Variants in ADAMTS6 observed in about 807,000 individuals in gnomAD.
The protein encoded by ADAMTS6 is ADAM metallopeptidase with thrombospondin type 1 motif 6, also known as A disintegrin and metalloproteinase with thrombospondin motifs 6.
A neutral mutation model predicts 144.3 loss-of-function variants in ADAMTS6; 23 were observed. That is an observed-to-expected ratio of 0.16 (90% CI 0.11 to 0.23). The LOEUF (loss-of-function observed/expected upper bound fraction) is 0.23, where lower values mean the gene tolerates loss of function less well. ADAMTS6 is among the 10% of genes least tolerant of loss of function. The pLI is 1.00. For missense variants in ADAMTS6, 999 were observed against 1,379.6 expected (o/e 0.72, Z 4.37); for synonymous variants, 444 against 457.5 (o/e 0.97, Z 0.38).
intron 7 of ADAMTS6, 139 bp from the exon 8 acceptor site, chr5:65,334,224 T>G (rs1747085521): frequency 1.0e-6 from 1 of 959,396 alleles, no homozygotes; most frequent in Non-Finnish European, 1.5e-6. Flanking sequence ...GTCGGCATTT[T>G]CAGCACTCTA....
chr5:65,413,114 T>G (rs761813080), intron 7 of ADAMTS6, among the ~76,000 whole-genome samples: 1 of 152,170 alleles, frequency 6.6e-6, no homozygotes, highest in Non-Finnish European at 1.5e-5. Flanking sequence ...TTCTAGCCTC[T>G]CAGAATGGCC....
chr5:65,381,700 T>C (rs1449220627), intron 7 of ADAMTS6, among the ~76,000 whole-genome samples: 1 of 151,978 alleles, frequency 6.6e-6, no homozygotes, highest in Non-Finnish European at 1.5e-5. Context: ...GATTATACCA[T>C]TTTTGTTGCT....
At chr5:65,153,823 C>A (rs1301367910) in intron 24 of ADAMTS6, among the ~76,000 whole-genome samples, 1 of 152,102 alleles carries the variant, frequency 6.6e-6, no homozygotes, top group East Asian at 1.9e-4. Flanking sequence ...AGTAAATTCA[C>A]CAGTTTAAAT....
chr5:65,404,274 C>A (rs775665252), intron 7 of ADAMTS6, among the ~76,000 whole-genome samples: 4 of 151,896 alleles, frequency 2.6e-5, no homozygotes, highest in Admixed American at 6.6e-5. Context: ...TAGGTATTTC[C>A]GCTAATGTTA....
chr5:65,152,069 C>T (rs1752170495), intron 24 of ADAMTS6, 124 bp from the exon 25 acceptor site: 1 of 694,450 alleles, frequency 1.4e-6, no homozygotes, highest in Admixed American at 2.5e-5. Flanking sequence ...GCTTCGACCT[C>T]CATGTGGTTT....
intron 12 of ADAMTS6, among the ~76,000 whole-genome samples, chr5:65,263,637 T>A (rs1006676783): frequency 6.6e-6 from 1 of 152,194 alleles, no homozygotes; most frequent in Non-Finnish European, 1.5e-5. Context: ...AAACCACACA[T>A]ACTGCACCTA....
At chr5:65,358,096 G>C (rs1749501552) in intron 7 of ADAMTS6, among the ~76,000 whole-genome samples, 1 of 148,928 alleles carries the variant, frequency 6.7e-6, no homozygotes, top group Non-Finnish European at 1.5e-5. Flanking sequence ...TACTACCAAA[G>C]CAAATTCAAC....
intron 7 of ADAMTS6, among the ~76,000 whole-genome samples, chr5:65,340,611 T>C (rs1022391996): frequency 6.6e-6 from 1 of 151,934 alleles, no homozygotes; most frequent in Non-Finnish European, 1.5e-5. Flanking sequence ...TTCTTATCTA[T>C]TAATAGTAAC....
chr5:65,349,918 T>C (rs1168779128), intron 7 of ADAMTS6, among the ~76,000 whole-genome samples: 1 of 151,924 alleles, frequency 6.6e-6, no homozygotes, highest in Admixed American at 6.6e-5. Flanking sequence ...AGCAGCACAC[T>C]ACAGTGTCTT....
intron 7 of ADAMTS6, among the ~76,000 whole-genome samples, chr5:65,442,055 A>T (rs563529944): frequency 6.6e-6 from 1 of 151,780 alleles, no homozygotes; most frequent in South Asian, 2.1e-4. Context: ...AACCAAGTAG[A>T]CAGACGGAAA....
At chr5:65,385,546 G>A (rs1365567983) in intron 7 of ADAMTS6, among the ~76,000 whole-genome samples, 5 of 152,110 alleles carry the variant, frequency 3.3e-5, no homozygotes, top group East Asian at 1.9e-4. Flanking sequence ...GCAGAGGACC[G>A]ATTCATAGTA....
chr5:65,466,916 C>T (rs903206564), intron 3 of ADAMTS6, among the ~76,000 whole-genome samples: 9 of 151,794 alleles, frequency 5.9e-5, no homozygotes, highest in South Asian at 2.1e-4. Context: ...GTGGCGGGAG[C>T]CTGTAGTCCC....
At chr5:65,459,283 T>C (rs1181418581) in intron 4 of ADAMTS6, among the ~76,000 whole-genome samples, 2 of 152,196 alleles carry the variant, frequency 1.3e-5, no homozygotes, top group African/African-American at 2.4e-5. Flanking sequence ...GAGTAGTCTT[T>C]CTAAAACACA....
intron 14 of ADAMTS6, among the ~76,000 whole-genome samples, chr5:65,248,239 A>G (rs556391101): frequency 1.4e-4 from 21 of 152,136 alleles, no homozygotes; most frequent in African/African-American, 4.8e-4. Flanking sequence ...AAGCATCTCA[A>G]CCTCAGTTTT....
chr5:65,259,434 A>G (rs570944075), intron 14 of ADAMTS6, among the ~76,000 whole-genome samples: 1 of 152,216 alleles, frequency 6.6e-6, no homozygotes, highest in East Asian at 1.9e-4. Flanking sequence ...CCAATGAAGG[A>G]GGAAGAGGAG....
chr5:65,383,740 G>A (rs1314740206), intron 7 of ADAMTS6, among the ~76,000 whole-genome samples: 2 of 152,082 alleles, frequency 1.3e-5, no homozygotes, highest in African/African-American at 4.8e-5. Context: ...TTGCCCTAGT[G>A]GAGACTCTCT....
intron 7 of ADAMTS6, among the ~76,000 whole-genome samples, chr5:65,336,350 T>C (rs924581261): frequency 6.6e-6 from 1 of 152,112 alleles, no homozygotes. Context: ...AATGAATGTC[T>C]AATGAATGTT....
At chr5:65,469,512 T>G (rs1299617829) in intron 3 of ADAMTS6, among the ~76,000 whole-genome samples, 2 of 152,234 alleles carry the variant, frequency 1.3e-5, no homozygotes, top group Non-Finnish European at 2.9e-5. Flanking sequence ...TTTTGGATAA[T>G]TTTATTTAAA....
At position 65,436,999 on chromosome 5, in the gene ADAMTS6, C is replaced by A. The variant is rs180753514; in HGVS notation, c.1073+14476G>T. On this transcript the variant is annotated intron_variant, in intron 7 of 24. Transcript: ENST00000381055. Reference sequence around the variant, plus strand: ...AAGAGGTTTAATCAACTTACAGTTCCACATGGCCGGGGAGGCCTTACAATC... The same window carrying A: ...AAGAGGTTTAATCAACTTACAGTTCAACATGGCCGGGGAGGCCTTACAATC... Among the ~76,000 whole-genome samples the A allele has an allele frequency of 2.4e-3, 359 of 152,264 alleles. 2 individuals carry two copies. The Middle Eastern group carries it at 0.048, about 20-fold the overall frequency.
Sources: allele counts gnomAD v4.1 joint callset (sites outside exome capture counted in the v4.1 genomes callset), GRCh38; gene constraint gnomAD v4.1.1; transcripts MANE v1.5; gene names NCBI Gene and HGNC (gene_info 2026-07-23, HGNC 2026-07-21).